Variants in RNASEH2A observed in about 807,000 individuals in gnomAD.
RNASEH2A encodes RNase H(35).
In RNASEH2A, 30 loss-of-function variants were observed where a neutral mutation model predicts 32.7. That is an observed-to-expected ratio of 0.92 (90% CI 0.69 to 1.25). The LOEUF (loss-of-function observed/expected upper bound fraction) is 1.25. Ranked by LOEUF, RNASEH2A falls within the 50% of genes most tolerant of loss-of-function variation. The pLI is 0.00. For synonymous variants in RNASEH2A, 147 were observed against 165.4 expected (o/e 0.89, Z 0.86); for missense variants, 409 against 398.1 (o/e 1.03, Z -0.23).
At chr19:12,811,762 A>T (rs1969075327) in intron 6 of RNASEH2A, among the ~76,000 whole-genome samples, 1 of 151,900 alleles carries the variant, frequency 6.6e-6, no homozygotes, top group Non-Finnish European at 1.5e-5. Flanking sequence ...TACTAAAAAT[A>T]CAAAATTAGC....
Position 12,807,289 on chromosome 19 carries a change from G to C in RNASEH2A, c.283G>C (p.Val95Leu). The C allele has an allele frequency of 6.2e-7, 1 of 1,614,198 alleles. No homozygotes were observed. Among genetic ancestry groups the C allele is most frequent in the East Asian group, 2.2e-5 (1 of 44,874 alleles). The change falls in exon 3 of 8, where the codon GTG becomes CTG. Residue 95 changes from valine to leucine, a missense_variant. Coordinates refer to ENST00000221486, the MANE Select transcript of RNASEH2A (RefSeq NM_006397.3). The part of the protein sequence containing the change: ...DTDFVGWALD[V>L]LSPNLISTSM... ...GGACTTTGTCGGCTGGGCGCTGGATGTGCTGTCTCCAAACCTCATCTCTAC... is the reference window on the plus strand; with the variant it reads ...GGACTTTGTCGGCTGGGCGCTGGATCTGCTGTCTCCAAACCTCATCTCTAC...
chr19:12,807,483 G>A lies in RNASEH2A; in HGVS notation c.388G>A (p.Asp130Asn). 6.2e-7 allele frequency: 1 copy of A among 1,614,168 alleles called. No homozygotes were observed. Among genetic ancestry groups the A allele is most frequent in the Non-Finnish European group, 8.5e-7 (1 of 1,180,020 alleles). ...CACTGGGCTTATACAGTATGCATTG[G>A]ACCAGGGCGTGAACGTCACCCAGGT... is the stretch of plus-strand genomic sequence containing the variant. Reference protein sequence around the residue: ...TATGLIQYALDQGVNVTQVFV... With the variant: ...TATGLIQYALNQGVNVTQVFV... Residue 130 changes from aspartate to asparagine, a missense_variant, in exon 4 of 8, where the codon GAC (aspartate) becomes AAC (asparagine). By Grantham distance (23) the Asp-to-Asn change is conservative. Coordinates refer to ENST00000221486, the MANE Select transcript of RNASEH2A (RefSeq NM_006397.3).
intron 6 of RNASEH2A, among the ~76,000 whole-genome samples, chr19:12,810,963 C>G (rs1293400398): frequency 2.0e-5 from 3 of 152,024 alleles, no homozygotes; most frequent in Non-Finnish European, 4.4e-5. Context: ...ACCCCTGGCC[C>G]TTTTTTTCTT....
rs75037667 is a variant in RNASEH2A, at chr19:12,813,438, G to A, written c.872G>A (p.Arg291His). 2.1e-5 allele frequency: 34 copies of A among 1,613,678 alleles called. No individual in the cohort carries two copies. The highest frequency in any genetic ancestry group is 3.3e-5 in the South Asian group (3 of 91,086). The part of the protein sequence containing the change: ...PRSSHRYFLE[R>H]GLESATSL ...TCTTCCCACCGATATTTCCTGGAACGCGGCCTGGAGTCAGCAACCAGCCTC... is the reference window on the plus strand; with the variant it reads ...TCTTCCCACCGATATTTCCTGGAACACGGCCTGGAGTCAGCAACCAGCCTC... The change falls in exon 8 of 8, where the codon CGC becomes CAC. Residue 291 changes from arginine to histidine, a missense_variant. By Grantham distance (29) the Arg-to-His change is conservative (BLOSUM62 0). Transcript: ENST00000221486.
At chr19:12,812,943 T>G in intron 6 of RNASEH2A, 140 bp from the exon 7 acceptor site, 1 of 1,148,754 alleles carries the variant, frequency 8.7e-7, no homozygotes, top group Non-Finnish European at 1.3e-6. Flanking sequence ...AGGTGGAGGT[T>G]GCAGTGAGCT....
In RNASEH2A at chr19:12,813,077, C is replaced by T. The variant is rs1488980684; in HGVS notation, c.638-6C>T. The stretch of plus-strand genomic sequence containing the variant: ...TGGACTGTCACCATTGCCCACCCTA[C>T]CCCAGATCCCAAGACAAAAGCGTGG... On this transcript the variant is annotated splice_polypyrimidine_tract_variant and splice_region_variant and intron_variant, in intron 6 of 7. Transcript: ENST00000221486. 6.2e-7 allele frequency: 1 copy of T among 1,614,024 alleles called. No individual in the cohort carries two copies. Among genetic ancestry groups the T allele is most frequent in the East Asian group, 2.2e-5 (1 of 44,882 alleles).
Position 12,808,231 on chromosome 19 carries a change from G to T in RNASEH2A, c.411+725G>T, listed in dbSNP as rs367733842. 3.9e-5 allele frequency among the ~76,000 whole-genome samples: 6 copies of T among 152,238 alleles called. No homozygotes were observed. The South Asian group carries it at 1.0e-3, about 26-fold the overall frequency. On this transcript the variant is annotated intron_variant, in intron 4 of 7. Coordinates refer to ENST00000221486, the MANE Select transcript of RNASEH2A (RefSeq NM_006397.3). Reference sequence around the variant, plus strand: ...CGCGCCATTGCACTCCAGCCTGGGGGACAGAGCGAAAAATAAAAATAAAAA... The same window carrying T: ...CGCGCCATTGCACTCCAGCCTGGGGTACAGAGCGAAAAATAAAAATAAAAA...
chr19:12,808,053 C>T (rs1473365558), intron 4 of RNASEH2A: 2 of 176,592 alleles, frequency 1.1e-5, no homozygotes, highest in South Asian at 2.2e-4. Context: ...GAGTTGAAGA[C>T]CATCCTGGCC....
Position 12,807,281 on chromosome 19 carries a change from C to T in RNASEH2A, c.275C>T (p.Ala92Val), listed in dbSNP as rs562864527. 2.3e-5 allele frequency: 37 copies of T among 1,614,122 alleles called. No individual in the cohort carries two copies. Among genetic ancestry groups the T allele is most frequent in the African/African-American group, 1.3e-4 (10 of 75,022 alleles). ...KMEDTDFVGWALDVLSPNLIS... is the reference protein window; with the variant it reads ...KMEDTDFVGWVLDVLSPNLIS... ...GAGGACACGGACTTTGTCGGCTGGG[C>T]GCTGGATGTGCTGTCTCCAAACCTC... is the stretch of plus-strand genomic sequence containing the variant. Residue 92 changes from alanine to valine, a missense_variant, in exon 3 of 8, where the codon GCG becomes GTG. By Grantham distance (64) the Ala-to-Val change is moderately conservative. Coordinates refer to ENST00000221486, the MANE Select transcript of RNASEH2A (RefSeq NM_006397.3).
chr19:12,812,833 C>T (rs746731793), intron 6 of RNASEH2A, among the ~76,000 whole-genome samples: 6 of 151,832 alleles, frequency 4.0e-5, no homozygotes, highest in East Asian at 1.9e-4. Flanking sequence ...GGTGAAACCT[C>T]GTCACTACTA....
At chr19:12,807,667 C>T (rs1056922598) in intron 4 of RNASEH2A, 161 bp downstream of exon 4, 3 of 715,326 alleles carry the variant, frequency 4.2e-6, no homozygotes, top group Non-Finnish European at 7.4e-6. Flanking sequence ...CGCAGTGGCT[C>T]ACGCCTATAA....
chr19:12,809,804 G>A (rs990287001), intron 4 of RNASEH2A, among the ~76,000 whole-genome samples: 3 of 152,104 alleles, frequency 2.0e-5, no homozygotes, highest in African/African-American at 7.2e-5. Context: ...TATAAAGATG[G>A]GGTCTCACTG....
rs1969006528 is a variant in RNASEH2A, at chr19:12,807,215, C to T, written c.209C>T (p.Thr70Ile). 6.2e-7 allele frequency: 1 copy of T among 1,614,150 alleles called. No individual in the cohort carries two copies. Among genetic ancestry groups the T allele is most frequent in the East Asian group, 2.2e-5 (1 of 44,882 alleles). The change falls in exon 3 of 8, where the codon ACC (threonine) becomes ATC (isoleucine). Residue 70 changes from threonine to isoleucine, a missense_variant. Physicochemically the swap from Thr to Ile is moderately conservative, Grantham distance 89. Transcript: ENST00000221486. ...LEALKVADSKTLLESERERLF... is the reference protein window; with the variant it reads ...LEALKVADSKILLESERERLF... ...CCAAACCTCCTCCCAGACTCAAAGA[C>T]CCTATTGGAGAGCGAGCGGGAAAGG...
chr19:12,810,166 T>A lies in RNASEH2A; in HGVS notation c.507T>A (p.Asp169Glu). The change falls in exon 5 of 8, where the codon GAT becomes GAA. Residue 169 changes from aspartate to glutamate, a missense_variant. Asp to Glu is a conservative substitution (Grantham distance 45). Transcript: ENST00000221486. ...AGGTGACGGTCAAGGCCAAAGCAGA[T>A]GCCCTCTACCCGGTGGTTAGTGCTG... ...GIEVTVKAKA[D>E]ALYPVVSAAS... 1 of 1,614,216 alleles carries A rather than the reference T, an allele frequency of 6.2e-7. No individual in the cohort carries two copies. The highest frequency in any genetic ancestry group is 1.3e-5 in the African/African-American group (1 of 75,048).
rs1354190203 is a variant in RNASEH2A at position 12,810,225 on chromosome 19, C to T, written c.549+17C>T. On this transcript the variant is annotated intron_variant, in intron 5 of 7. Transcript: ENST00000221486. ...TGTGCCAAGGTCAGTACCCTACTAGCCATGGCTGGCTTCCACCATCCCACT... is the reference window on the plus strand; with the variant it reads ...TGTGCCAAGGTCAGTACCCTACTAGTCATGGCTGGCTTCCACCATCCCACT... 8 of 1,614,200 alleles carry T rather than the reference C, an allele frequency of 5.0e-6. No homozygotes were observed. Among genetic ancestry groups the T allele is most frequent in the Non-Finnish European group, 6.8e-6 (8 of 1,180,042 alleles).
At chr19:12,808,115 G>A (rs1395404559) in intron 4 of RNASEH2A, 1 of 161,014 alleles carries the variant, frequency 6.2e-6, no homozygotes, top group African/African-American at 2.4e-5. Flanking sequence ...AGCCCAGCAT[G>A]GTGGCGGGTG....
At chr19:12,810,039 G>T in intron 4 of RNASEH2A, 32 bp from the exon 5 acceptor site, 1 of 1,613,884 alleles carries the variant, frequency 6.2e-7, no homozygotes, top group Non-Finnish European at 8.5e-7. Flanking sequence ...ACAGTTGTTT[G>T]TTCAATTAAT....
rs533339996 is a variant in RNASEH2A at position 12,810,148 on chromosome 19, G to A, written c.489G>A (p.Thr163=). ...AAAGTTTTCCCGGGATTGAGGTGAC[G>A]GTCAAGGCCAAAGCAGATGCCCTCT... ...LQQSFPGIEV[T]VKAKADALYP... is the part of the protein sequence containing the mutation. Residue 163 remains threonine, a synonymous_variant, in exon 5 of 8, where the codon ACG becomes ACA. Transcript: ENST00000221486. 23 of 1,614,226 alleles carry A rather than the reference G, an allele frequency of 1.4e-5. No homozygotes were observed. Among genetic ancestry groups the A allele is most frequent in the Admixed American group, 1.3e-4 (8 of 60,012 alleles).
At position 12,808,120 on chromosome 19, in the gene RNASEH2A, C is replaced by T. The variant is rs137920608; in HGVS notation, c.411+614C>T. On this transcript the variant is annotated intron_variant, in intron 4 of 7. Transcript: ENST00000221486. ...ACAAAAAATTAGCCCAGCATGGTGGCGGGTGCCTGTAATCCCACCTATTGG... is the reference window on the plus strand; with the variant it reads ...ACAAAAAATTAGCCCAGCATGGTGGTGGGTGCCTGTAATCCCACCTATTGG... 300 of 160,102 alleles carry T rather than the reference C, an allele frequency of 1.9e-3. 1 individual carries two copies. The highest frequency in any genetic ancestry group is 6.9e-3 in the African/African-American group (287 of 41,492). 9.9% of individuals were successfully genotyped at this position (160,102 alleles called of 1,614,324 possible). A position where few individuals can be genotyped will look rare whatever the true frequency, so the allele number is the denominator to read the frequency against.
Sources: allele counts gnomAD v4.1 joint callset (sites outside exome capture counted in the v4.1 genomes callset), GRCh38; gene constraint gnomAD v4.1.1; transcripts MANE v1.5; gene names NCBI Gene and HGNC (gene_info 2026-07-23, HGNC 2026-07-21).